Variants in SGCZ observed in about 807,000 individuals in gnomAD.
The protein encoded by SGCZ is zeta-sarcoglycan.
Under a neutral mutation model 41.3 loss-of-function variants are expected in SGCZ, and 40 were observed. That is an observed-to-expected ratio of 0.97 (90% confidence interval 0.75 to 1.26). The LOEUF is 1.26. Ranked by LOEUF, SGCZ falls within the 50% of genes most tolerant of loss-of-function variation. The pLI, the probability that SGCZ is intolerant of heterozygous loss-of-function variation, is 0.00. For missense variants in SGCZ, 552 were observed against 369.8 expected, an observed-to-expected ratio of 1.49 and a Z score of -4.04; for synonymous variants, 206 against 137.5, an observed-to-expected ratio of 1.50 and a Z score of -3.49.
intron 1 of SGCZ, among the ~76,000 whole-genome samples, chr8:14,622,700 A>G (rs1806326068): frequency 6.6e-6 from 1 of 152,204 alleles, no homozygotes; most frequent in Non-Finnish European, 1.5e-5. Flanking sequence ...CACATTAAGG[A>G]TGACACAATG....
At chr8:14,999,656 G>T (rs924284957) in intron 1 of SGCZ, among the ~76,000 whole-genome samples, 1 of 151,666 alleles carries the variant, frequency 6.6e-6, no homozygotes, top group Non-Finnish European at 1.5e-5. Flanking sequence ...TTCTATTACA[G>T]TCTCTGTCAG....
chr8:14,822,481 AG>A (rs1802136620), intron 1 of SGCZ, among the ~76,000 whole-genome samples: 1 of 152,192 alleles, frequency 6.6e-6, no homozygotes, highest in African/African-American at 2.4e-5. Flanking sequence ...GAAACAAAAA[AG>A]AAATTCACAT....
chr8:14,244,936 T>A (rs9692744), intron 3 of SGCZ, among the ~76,000 whole-genome samples: 1 of 151,038 alleles, frequency 6.6e-6, no homozygotes, highest in African/African-American at 2.4e-5. Flanking sequence ...TTTTTGTACA[T>A]TGATTTTGTA....
chr8:14,609,625 T>A (rs1805863047), intron 1 of SGCZ, among the ~76,000 whole-genome samples: 1 of 152,164 alleles, frequency 6.6e-6, no homozygotes, highest in South Asian at 2.1e-4. Flanking sequence ...AATCAACATT[T>A]TTGACACATC....
intron 1 of SGCZ, among the ~76,000 whole-genome samples, chr8:15,229,771 CAT>C (rs1366999265): frequency 5.3e-5 from 8 of 152,164 alleles, no homozygotes; most frequent in Non-Finnish European, 1.5e-5. Context: ...TTTATTGTAT[CAT>C]GTTTCACAAA....
At chr8:14,808,090 T>G (rs540529641) in intron 1 of SGCZ, among the ~76,000 whole-genome samples, 7 of 152,204 alleles carry the variant, frequency 4.6e-5, no homozygotes, top group African/African-American at 1.7e-4. Flanking sequence ...TCAAGATGGA[T>G]TAAAGACTGA....
At chr8:14,986,264 A>G (rs1391448920) in intron 1 of SGCZ, among the ~76,000 whole-genome samples, 3 of 152,124 alleles carry the variant, frequency 2.0e-5, no homozygotes, top group Non-Finnish European at 4.4e-5. Flanking sequence ...GATATTACAC[A>G]TTATAGAAAA....
At chr8:14,327,492 T>C (rs1802163544) in intron 2 of SGCZ, among the ~76,000 whole-genome samples, 1 of 152,204 alleles carries the variant, frequency 6.6e-6, no homozygotes, top group South Asian at 2.1e-4. Flanking sequence ...CTAATTTCAC[T>C]GGGAGACTAT....
intron 2 of SGCZ, among the ~76,000 whole-genome samples, chr8:14,529,750 C>T (rs1437165134): frequency 6.6e-6 from 1 of 152,074 alleles, no homozygotes; most frequent in African/African-American, 2.4e-5. Context: ...TGTCTATCTT[C>T]CTCCTTAAAA....
At chr8:14,391,655 T>G (rs10156368) in intron 2 of SGCZ, among the ~76,000 whole-genome samples, 1 of 151,908 alleles carries the variant, frequency 6.6e-6, no homozygotes, top group Non-Finnish European at 1.5e-5. Context: ...AGAGAAAACA[T>G]TATTATGTGA....
intron 4 of SGCZ, among the ~76,000 whole-genome samples, chr8:14,226,154 A>G (rs536904481): frequency 1.3e-5 from 2 of 152,210 alleles, no homozygotes; most frequent in South Asian, 4.1e-4. Flanking sequence ...TTCCTTACAT[A>G]GTTGCATGAA....
chr8:14,776,683 C>A (rs11994701), intron 1 of SGCZ, among the ~76,000 whole-genome samples: 2 of 151,478 alleles, frequency 1.3e-5, no homozygotes. Flanking sequence ...TTAGTAGAGG[C>A]GGGGTTTCAC....
intron 1 of SGCZ, among the ~76,000 whole-genome samples, chr8:15,035,805 C>T: frequency 6.6e-6 from 1 of 151,950 alleles, no homozygotes; most frequent in South Asian, 2.1e-4. Context: ...AATATATATG[C>T]ACTTAATATT....
intron 2 of SGCZ, among the ~76,000 whole-genome samples, chr8:14,519,559 A>C (rs1563381947): frequency 6.6e-6 from 1 of 152,124 alleles, no homozygotes; most frequent in Non-Finnish European, 1.5e-5. Context: ...TTTCTGAAAA[A>C]TCTTCTACGG....
At chr8:14,342,373 C>G (rs143283523) in intron 2 of SGCZ, among the ~76,000 whole-genome samples, 1 of 152,022 alleles carries the variant, frequency 6.6e-6, no homozygotes, top group Non-Finnish European at 1.5e-5. Context: ...CTGGAGTGCA[C>G]TGGCGCTATC....
intron 1 of SGCZ, among the ~76,000 whole-genome samples, chr8:14,618,582 T>G (rs1382694107): frequency 6.6e-6 from 1 of 152,122 alleles, no homozygotes; most frequent in Non-Finnish European, 1.5e-5. Flanking sequence ...CTATGCAGTG[T>G]TTTGTACTCA....
At chr8:14,379,227 G>C (rs1804263982) in intron 2 of SGCZ, among the ~76,000 whole-genome samples, 1 of 152,092 alleles carries the variant, frequency 6.6e-6, no homozygotes, top group South Asian at 2.1e-4. Context: ...AAACCCAGGA[G>C]AATCAATGAA....
intron 3 of SGCZ, among the ~76,000 whole-genome samples, chr8:14,321,015 G>C (rs544283797): frequency 4.6e-5 from 7 of 152,134 alleles, no homozygotes; most frequent in African/African-American, 1.7e-4. Context: ...TGAAGATTAG[G>C]TGTCCTAAAT....
In SGCZ at chr8:14,829,891, A is replaced by G. The variant is rs1195225948; in HGVS notation, c.40-274965T>C. ...CAGTGGCGCGATCTCGGCTCACTGC[A>G]AGCTCCGCCTCCCGGGTTCACGCCA... is the stretch of plus-strand genomic sequence containing the variant. On this transcript the variant is annotated intron_variant, in intron 1 of 7. Transcript: ENST00000382080. Among the ~76,000 whole-genome samples the G allele has an allele frequency of 1.3e-4, 20 of 152,244 alleles. No individual in the cohort carries two copies. The South Asian group carries it at 2.5e-3, about 19-fold the overall frequency.
Sources: allele counts gnomAD v4.1 joint callset (sites outside exome capture counted in the v4.1 genomes callset), GRCh38; gene constraint gnomAD v4.1.1; transcripts MANE v1.5; gene names NCBI Gene and HGNC (gene_info 2026-07-23, HGNC 2026-07-21).